INO80: variants seen among roughly 807,000 people sequenced by gnomAD.
INO80 encodes the protein INO80 complex ATPase subunit, also known as chromatin-remodeling ATPase INO80.
Under a neutral mutation model 203.4 loss-of-function variants are expected in INO80, and 20 were observed. The ratio of observed to expected loss-of-function variants is 0.10; its 90% CI spans 0.07 to 0.14. The LOEUF is 0.14. INO80 is among the 10% of genes least tolerant of loss of function. The probability of loss-of-function intolerance (pLI) is 1.00; values close to 1 mark genes in which losing one functional copy is unlikely to be tolerated. For synonymous variants in INO80, 726 were observed against 685.2 expected, an observed-to-expected ratio of 1.06 and a Z score of -0.93; for missense variants, 1,419 against 1,914.4, an observed-to-expected ratio of 0.74 and a Z score of 4.83.
chr15:41,046,202 C>CGT (rs1555402534), intron 23 of INO80, among the ~76,000 whole-genome samples: 1 of 109,470 alleles, frequency 9.1e-6, no homozygotes, highest in African/African-American at 4.5e-5. Flanking sequence ...TGTGCGTATA[C>CGT]ATACATATAT....
chr15:41,090,063 T>C (rs541054044), intron 5 of INO80, among the ~76,000 whole-genome samples: 1 of 152,216 alleles, frequency 6.6e-6, no homozygotes, highest in Non-Finnish European at 1.5e-5. Flanking sequence ...AGCCAAAAAG[T>C]AGAAATATGC....
intron 1 of INO80, among the ~76,000 whole-genome samples, chr15:41,105,192 A>G (rs1379186638): frequency 6.6e-6 from 1 of 152,224 alleles, no homozygotes; most frequent in Non-Finnish European, 1.5e-5. Flanking sequence ...TCTAACAATC[A>G]ACAAGGAGAT....
chr15:41,058,913 G>T, intron 15 of INO80, 132 bp from the exon 16 acceptor site: 1 of 804,094 alleles, frequency 1.2e-6, no homozygotes, highest in East Asian at 2.7e-5. Flanking sequence ...CATATGGTAG[G>T]GAGATGTGCA....
intron 31 of INO80, among the ~76,000 whole-genome samples, 195 bp from the exon 32 acceptor site, chr15:40,985,621 A>G (rs1197349436): frequency 1.3e-5 from 2 of 152,064 alleles, no homozygotes; most frequent in Admixed American, 6.6e-5. Flanking sequence ...TTTAAGCATT[A>G]TGGGCTGGCT....
chr15:40,997,595 G>C lies in INO80; in HGVS notation c.3504C>G (p.Asp1168Glu), dbSNP rs138678070. ...DMVADFQNRN[D>E]IFVFLLSTRA... ...GTGTGCTTAACAGGAACACAAAGATGTCATTCCTGCAGAAAAGGGAGAGAT... is the reference window on the plus strand; with the variant it reads ...GTGTGCTTAACAGGAACACAAAGATCTCATTCCTGCAGAAAAGGGAGAGAT... The change falls in exon 29 of 36, where the codon GAC becomes GAG. Residue 1168 changes from aspartate (D) to glutamate (E), a missense_variant. Transcript: ENST00000648947. 1 of 1,609,514 alleles carries C rather than the reference G, an allele frequency of 6.2e-7. No homozygotes were observed. The highest frequency in any genetic ancestry group is 8.5e-7 in the Non-Finnish European group (1 of 1,175,932).
Position 40,997,529 on chromosome 15 carries a change from T to G in INO80, c.3570A>C (p.Thr1190=). The G allele has an allele frequency of 6.3e-7, 1 of 1,598,306 alleles. No homozygotes were observed. The highest frequency in any genetic ancestry group is 8.6e-7 in the Non-Finnish European group (1 of 1,165,640). ...GLGINLTAAD[T]VIFYDSDWNP... ...AGTTGATTGTGCTCTCATTACTTAC[T>G]GTGTCTGCAGCAGTGAGATTGATAC... The change falls in exon 29 of 36, where the codon ACA becomes ACC. Residue 1190 remains threonine (T), a splice_region_variant and synonymous_variant. Transcript: ENST00000648947.
At chr15:41,078,060 C>T (rs370250178) in intron 9 of INO80, among the ~76,000 whole-genome samples, 9 of 151,848 alleles carry the variant, frequency 5.9e-5, no homozygotes, top group Non-Finnish European at 1.5e-5. Context: ...CCACCATGCC[C>T]GGCTAATTTT....
intron 1 of INO80, among the ~76,000 whole-genome samples, chr15:41,098,008 T>C (rs553677372): frequency 2.6e-5 from 4 of 152,184 alleles, no homozygotes; most frequent in Middle Eastern, 3.4e-3. Flanking sequence ...TTTTGTTTAT[T>C]TGTGGCGGTT....
intron 23 of INO80, among the ~76,000 whole-genome samples, chr15:41,046,202 C>T (rs1230247787): frequency 1.8e-5 from 2 of 109,470 alleles, no homozygotes; most frequent in African/African-American, 4.5e-5. Context: ...TGTGCGTATA[C>T]ATACATATAT....
Position 40,982,986 on chromosome 15 carries a change from TCCTTTGGCTGTGCTTCCTGAA to T in INO80, c.4308_4328del (p.Ser1437_Gly1443del). Reference sequence around the variant, plus strand: ...ACTTTCGGCTCCGGCCCTTCCCTGCTCCTTTGGCTGTGCTTCCTGAACCTTTGGGGCGGCCTCGGCTTCGGG... The same window carrying T: ...ACTTTCGGCTCCGGCCCTTCCCTGCTCCTTTGGGGCGGCCTCGGCTTCGGG... On this transcript the variant is annotated inframe_deletion, in exon 35 of 36. Transcript: ENST00000648947. The T allele has an allele frequency of 1.2e-6, 2 of 1,614,154 alleles. No homozygotes were observed. Among genetic ancestry groups the T allele is most frequent in the Non-Finnish European group, 1.7e-6 (2 of 1,180,026 alleles).
chr15:41,038,692 A>G (rs909811668), intron 24 of INO80, among the ~76,000 whole-genome samples: 1 of 152,198 alleles, frequency 6.6e-6, no homozygotes. Flanking sequence ...TCTTTCTGTT[A>G]CAACCATTGC....
At chr15:41,096,390 C>T (rs2045724384) in intron 1 of INO80, 37 bp from the exon 2 acceptor site, 1 of 1,387,758 alleles carries the variant, frequency 7.2e-7, no homozygotes, top group Admixed American at 2.8e-5. Flanking sequence ...GATGAAATTA[C>T]TATCCATTCT....
intron 1 of INO80, among the ~76,000 whole-genome samples, chr15:41,100,576 AAATGACAGCTGC>A (rs1221532104): frequency 6.6e-6 from 1 of 152,204 alleles, no homozygotes; most frequent in Non-Finnish European, 1.5e-5. Flanking sequence ...CTGATGGCTG[AAATGACAGCTGC>A]AATGAATTCC....
chr15:41,103,137 A>T (rs1461384835), intron 1 of INO80, among the ~76,000 whole-genome samples: 2 of 152,112 alleles, frequency 1.3e-5, no homozygotes, highest in African/African-American at 4.8e-5. Context: ...TTCAGACTCA[A>T]AATCTATGAA....
intron 17 of INO80, 28 bp downstream of exon 17, chr15:41,056,594 T>G: frequency 6.5e-7 from 1 of 1,529,890 alleles, no homozygotes; most frequent in South Asian, 1.1e-5. Flanking sequence ...TATGAAGATA[T>G]AAACCTGTGA....
intron 1 of INO80, among the ~76,000 whole-genome samples, chr15:41,096,597 A>G (rs1381194909): frequency 6.6e-6 from 1 of 152,210 alleles, no homozygotes; most frequent in Non-Finnish European, 1.5e-5. Context: ...CACAATGAAA[A>G]TTCATACTAT....
At chr15:40,998,215 G>A (rs1349583926) in intron 28 of INO80, among the ~76,000 whole-genome samples, 1 of 151,820 alleles carries the variant, frequency 6.6e-6, no homozygotes, top group African/African-American at 2.4e-5. Flanking sequence ...TAGAGACGGG[G>A]TTTCATCATA....
At chr15:41,034,158 T>A (rs547012229) in intron 24 of INO80, among the ~76,000 whole-genome samples, 1 of 152,226 alleles carries the variant, frequency 6.6e-6, no homozygotes, top group Non-Finnish European at 1.5e-5. Context: ...TTGATGTTTA[T>A]GTGTATCATC....
At chr15:41,053,174 T>G (rs997206781) in intron 19 of INO80, among the ~76,000 whole-genome samples, 2 of 152,180 alleles carry the variant, frequency 1.3e-5, no homozygotes, top group Non-Finnish European at 2.9e-5. Flanking sequence ...GGCACAATTT[T>G]GGCTCACTGC....
Sources: allele counts gnomAD v4.1 joint callset (sites outside exome capture counted in the v4.1 genomes callset), GRCh38; gene constraint gnomAD v4.1.1; transcripts MANE v1.5; gene names NCBI Gene and HGNC (gene_info 2026-07-23, HGNC 2026-07-21).